Variants in ERC1 observed in about 807,000 individuals in gnomAD.
ERC1 encodes RAB6 interacting protein 2.
In ERC1, 56 loss-of-function variants were observed where a neutral mutation model predicts 132.0. That is an observed-to-expected ratio of 0.42 (90% CI 0.34 to 0.53). The LOEUF is 0.53. Ranked by LOEUF, ERC1 falls within the 20% of genes least tolerant of loss-of-function variation. The probability of loss-of-function intolerance (pLI) is 0.03; values close to 1 mark genes in which losing one functional copy is unlikely to be tolerated. For missense variants in ERC1, 1,202 were observed against 1,349.9 expected (o/e 0.89, Z 1.72); for synonymous variants, 478 against 476.1 (o/e 1.00, Z -0.05).
In ERC1 at chr12:1,310,627, A is replaced by G. The variant is rs1487563235; in HGVS notation, c.2780+20615A>G. Among the ~76,000 whole-genome samples, 5 of 152,242 alleles carry G rather than the reference A, an allele frequency of 3.3e-5. No individual in the cohort carries two copies. In the South Asian group the frequency reaches 1.0e-3, roughly 31 times the overall value. ...GCAGTAGTTCTGTGCTCTAAAGGGT[A>G]CTGCATACAGTCAAAAGGCTTTTCT... On this transcript the variant is annotated intron_variant, in intron 15 of 18. Coordinates refer to ENST00000360905, the MANE Select transcript of ERC1 (RefSeq NM_178040.4).
At chr12:1,280,398 A>T (rs2078598281) in intron 14 of ERC1, among the ~76,000 whole-genome samples, 2 of 152,304 alleles carry the variant, frequency 1.3e-5, no homozygotes, top group African/African-American at 2.4e-5. Context: ...TTGGACATTC[A>T]ATTGTCCCTT....
intron 1 of ERC1, among the ~76,000 whole-genome samples, chr12:1,004,768 T>C (rs946831422): frequency 1.3e-5 from 2 of 151,790 alleles, no homozygotes; most frequent in African/African-American, 4.8e-5. Context: ...AAAAAATTGC[T>C]GTTGATGACT....
At chr12:1,366,597 A>G (rs1346083655) in intron 15 of ERC1, among the ~76,000 whole-genome samples, 1 of 152,234 alleles carries the variant, frequency 6.6e-6, no homozygotes, top group Admixed American at 6.5e-5. Flanking sequence ...GTGATCCTGA[A>G]TATTAGGCAA....
intron 15 of ERC1, among the ~76,000 whole-genome samples, chr12:1,353,606 G>A (rs930976372): frequency 1.1e-4 from 16 of 152,200 alleles, no homozygotes; most frequent in Admixed American, 2.6e-4. Flanking sequence ...TTAAACATAG[G>A]CTGGGGGGCC....
At chr12:1,146,308 G>GTTTTTTTTTTTTTTTTTTTTTTT (rs1172108036) in intron 8 of ERC1, among the ~76,000 whole-genome samples, 3 of 31,792 alleles carry the variant, frequency 9.4e-5, no homozygotes, top group East Asian at 7.3e-4. Context: ...TATTTTACTG[G>GTTTTTTTTTTTTTTTTTTTTTTT]TTTTTTTTTT....
chr12:1,343,080 A>G (rs1191461972), intron 15 of ERC1, among the ~76,000 whole-genome samples: 1 of 152,194 alleles, frequency 6.6e-6, no homozygotes, highest in East Asian at 1.9e-4. Flanking sequence ...GAGCTTTGAA[A>G]TGTTTATTAA....
At chr12:1,314,159 T>A (rs1290659024) in intron 15 of ERC1, among the ~76,000 whole-genome samples, 1 of 152,084 alleles carries the variant, frequency 6.6e-6, no homozygotes, top group Non-Finnish European at 1.5e-5. Context: ...TCCATAGAGG[T>A]GATTCATTTA....
At chr12:1,279,728 G>A (rs74955773) in intron 14 of ERC1, among the ~76,000 whole-genome samples, 3,820 of 148,914 alleles carry the variant, frequency 0.026, 71 homozygotes, top group South Asian at 0.079. Context: ...TCGCTCTGTC[G>A]CCCAGGCCGG....
Position 1,151,290 on chromosome 12 carries a change from A to C in ERC1, c.1737+9503A>C, listed in dbSNP as rs531514941. ...TCAGGGATTTTACCTTCGGAACATTAAGGTTGTATGAATTTATTGGGGAAG... is the reference window on the plus strand; with the variant it reads ...TCAGGGATTTTACCTTCGGAACATTCAGGTTGTATGAATTTATTGGGGAAG... On this transcript the variant is annotated intron_variant, in intron 8 of 18. Coordinates refer to ENST00000360905, the MANE Select transcript of ERC1 (RefSeq NM_178040.4). 1.6e-4 allele frequency among the ~76,000 whole-genome samples: 24 copies of C among 152,330 alleles called. No homozygotes were observed. The South Asian group carries it at 4.8e-3, about 30-fold the overall frequency.
At chr12:1,413,748 G>C (rs147275270) in intron 17 of ERC1, among the ~76,000 whole-genome samples, 4 of 152,314 alleles carry the variant, frequency 2.6e-5, no homozygotes, top group East Asian at 1.9e-4. Flanking sequence ...TAAATCACTT[G>C]AATAAATGTC....
chr12:1,390,601 GCTT>G (rs1264675347), intron 16 of ERC1: 3 of 152,214 alleles, frequency 2.0e-5, no homozygotes, highest in Non-Finnish European at 4.4e-5. Context: ...ACCAGAGCAT[GCTT>G]AGGATGCCCA....
At chr12:1,254,019 G>A (rs897499175) in intron 13 of ERC1, among the ~76,000 whole-genome samples, 14 of 152,160 alleles carry the variant, frequency 9.2e-5, no homozygotes, top group Admixed American at 2.6e-4. Flanking sequence ...TGAAGTATTC[G>A]TATTTGATTT....
At chr12:1,026,926 A>G (rs1002004470) in intron 1 of ERC1, among the ~76,000 whole-genome samples, 3 of 152,228 alleles carry the variant, frequency 2.0e-5, no homozygotes, top group African/African-American at 7.2e-5. Flanking sequence ...GAAGGGATCT[A>G]TAGCTGGTTA....
At chr12:1,122,571 GT>G (rs1566021405) in intron 7 of ERC1, among the ~76,000 whole-genome samples, 399 of 4,100 alleles carry the variant, frequency 0.097, 58 homozygotes, top group Non-Finnish European at 0.13. Context: ...CTCTATCTGT[GT>G]CTCTATCTCT....
At chr12:1,105,342 GA>G (rs1402703615) in intron 4 of ERC1, among the ~76,000 whole-genome samples, 2 of 152,058 alleles carry the variant, frequency 1.3e-5, no homozygotes, top group African/African-American at 4.8e-5. Flanking sequence ...CCAGAGTTGA[GA>G]TTTTTTTTTA....
chr12:1,270,257 G>C (rs1000181216), intron 14 of ERC1, among the ~76,000 whole-genome samples: 7 of 152,000 alleles, frequency 4.6e-5, no homozygotes, highest in Admixed American at 1.3e-4. Flanking sequence ...ACCCACACTG[G>C]AGTGCAGCGG....
At chr12:1,105,669 A>G (rs907766936) in intron 4 of ERC1, among the ~76,000 whole-genome samples, 2 of 152,182 alleles carry the variant, frequency 1.3e-5, no homozygotes, top group African/African-American at 4.8e-5. Context: ...GATTTATTAA[A>G]AGTAATACTT....
At chr12:1,232,224 C>G (rs2075098052) in intron 12 of ERC1, among the ~76,000 whole-genome samples, 2 of 152,232 alleles carry the variant, frequency 1.3e-5, no homozygotes, top group African/African-American at 4.8e-5. Context: ...TTGCTTTTCT[C>G]CTGCTGCTTT....
rs1449567767 is a variant in ERC1 at position 1,493,435 on chromosome 12, C to G, written c.*3205C>G. 6 of 161,584 alleles carry G rather than the reference C, an allele frequency of 3.7e-5. No individual in the cohort carries two copies. The highest frequency in any genetic ancestry group is 1.5e-4 in the African/African-American group (6 of 41,106). 10.0% of individuals were successfully genotyped at this position (161,584 alleles called of 1,614,324 possible). ...GCGTACGCCTGTAATCCCAGCTACTCAGGAGGCAGGAGAATCGCTTGAGCC... is the reference window on the plus strand; with the variant it reads ...GCGTACGCCTGTAATCCCAGCTACTGAGGAGGCAGGAGAATCGCTTGAGCC... On this transcript the variant is annotated 3_prime_UTR_variant, in exon 19 of 19. Transcript: ENST00000360905.
Sources: allele counts gnomAD v4.1 joint callset (sites outside exome capture counted in the v4.1 genomes callset), GRCh38; gene constraint gnomAD v4.1.1; transcripts MANE v1.5; gene names NCBI Gene and HGNC (gene_info 2026-07-23, HGNC 2026-07-21).